CYFIP2: variants seen among roughly 807,000 people sequenced by gnomAD.
CYFIP2 encodes the protein cytoplasmic FMR1-interacting protein 2.
In CYFIP2, 29 loss-of-function variants were observed where a neutral mutation model predicts 158.7. The observed-to-expected ratio is 0.18, with a 90% CI of 0.14 to 0.25. The LOEUF is 0.25. Ranked by LOEUF, CYFIP2 falls within the 10% of genes least tolerant of loss-of-function variation. The pLI is 1.00. For synonymous variants in CYFIP2, 585 were observed against 617.6 expected, an observed-to-expected ratio of 0.95 and a Z score of 0.78; for missense variants, 852 against 1,639.5, an observed-to-expected ratio of 0.52 and a Z score of 8.29.
At chr5:157,380,341 A>G (rs1765927004) in intron 26 of CYFIP2, among the ~76,000 whole-genome samples, 1 of 152,252 alleles carries the variant, frequency 6.6e-6, no homozygotes, top group African/African-American at 2.4e-5. Context: ...TTTTCAGGAA[A>G]GGGCTATGAT....
chr5:157,273,451 G>A (rs62383003), intron 1 of CYFIP2, among the ~76,000 whole-genome samples: 61,972 of 151,980 alleles, frequency 0.41, 13,498 homozygotes, highest in East Asian at 0.69. Flanking sequence ...ACTCCAGGGT[G>A]GGGCAGCCCC....
intron 13 of CYFIP2, among the ~76,000 whole-genome samples, chr5:157,315,296 A>G (rs1328162778): frequency 6.6e-6 from 1 of 151,272 alleles, no homozygotes; most frequent in East Asian, 2.0e-4. Context: ...AAATCCAAAG[A>G]AAAACATCCA....
chr5:157,381,751 TAGA>T (rs1307081504), intron 26 of CYFIP2, among the ~76,000 whole-genome samples: 2 of 151,694 alleles, frequency 1.3e-5, no homozygotes, highest in Non-Finnish European at 2.9e-5. Context: ...ATGCCCGGGG[TAGA>T]AGAAGGCAAG....
intron 7 of CYFIP2, 86 bp downstream of exon 7, chr5:157,302,976 G>A: frequency 9.8e-7 from 1 of 1,021,126 alleles, no homozygotes; most frequent in South Asian, 1.6e-5. Context: ...ACGAGCCCAA[G>A]CAGACAAGCT....
At chr5:157,275,069 A>C (rs1224862673) in intron 1 of CYFIP2, among the ~76,000 whole-genome samples, 1 of 152,186 alleles carries the variant, frequency 6.6e-6, no homozygotes, top group African/African-American at 2.4e-5. Context: ...CACTGTGCCC[A>C]GCCAAGAATT....
At position 157,361,733 on chromosome 5, in the gene CYFIP2, A is replaced by C; in HGVS notation, c.3039+135A>C. The C allele has an allele frequency of 1.7e-6, 2 of 1,146,488 alleles. No individual in the cohort carries two copies. Among genetic ancestry groups the C allele is most frequent in the Non-Finnish European group, 2.4e-6 (2 of 821,440 alleles). 71.0% of individuals were successfully genotyped at this position (1,146,488 alleles called of 1,614,324 possible). A position where few individuals can be genotyped will look rare whatever the true frequency, so the allele number is the denominator to read the frequency against. The stretch of plus-strand genomic sequence containing the variant: ...CACATGCTCTTTTCAGTTCATTTCC[A>C]GACAGACATGGATTCTAGTCCTGGC... On this transcript the variant is annotated intron_variant, in intron 26 of 30. Coordinates refer to ENST00000620254, the MANE Select transcript of CYFIP2 (RefSeq NM_001037333.3). This position sits in a 1 kb window ranked among gnomAD's most constrained non-coding sequence, Gnocchi z 4.4.
chr5:157,321,514 C>T (rs1182986649), intron 15 of CYFIP2, among the ~76,000 whole-genome samples: 18 of 152,216 alleles, frequency 1.2e-4, no homozygotes, highest in Admixed American at 1.2e-3. Flanking sequence ...AGTCAATAAT[C>T]TGGGCATCTT....
At chr5:157,382,489 C>T (rs1342506807) in intron 26 of CYFIP2, 101 bp from the exon 27 acceptor site, 1 of 1,251,620 alleles carries the variant, frequency 8.0e-7, no homozygotes, top group Non-Finnish European at 1.1e-6. Context: ...AGGATTTGAA[C>T]CCAGGTCTAG....
intron 11 of CYFIP2, 71 bp from the exon 12 acceptor site, chr5:157,314,273 G>A: frequency 1.9e-6 from 3 of 1,556,264 alleles, no homozygotes; most frequent in Non-Finnish European, 2.6e-6. Context: ...GTGTTCTTGG[G>A]GGAATCAATG....
intron 15 of CYFIP2, among the ~76,000 whole-genome samples, chr5:157,323,548 G>A (rs1428435620): frequency 6.6e-6 from 1 of 152,166 alleles, no homozygotes; most frequent in Non-Finnish European, 1.5e-5. Flanking sequence ...CTTGAACCCC[G>A]GTCTTTTGAC....
intron 25 of CYFIP2, among the ~76,000 whole-genome samples, chr5:157,360,867 A>C (rs553134898): frequency 9.5e-4 from 144 of 152,284 alleles, no homozygotes; most frequent in African/African-American, 3.4e-3. Context: ...AGAGGGAAAA[A>C]TGGGGACTGT....
chr5:157,326,104 A>G, intron 17 of CYFIP2, 67 bp from the exon 18 acceptor site: 1 of 1,168,736 alleles, frequency 8.6e-7, no homozygotes, highest in Non-Finnish European at 1.3e-6. Flanking sequence ...TTTCCCAAGC[A>G]AGTATAAAGC....
chr5:157,353,370 C>T (rs950603832), intron 23 of CYFIP2, among the ~76,000 whole-genome samples: 2 of 152,156 alleles, frequency 1.3e-5, no homozygotes, highest in Non-Finnish European at 2.9e-5. Context: ...CCTTTTCCAA[C>T]GCACCTTATT....
chr5:157,281,491 G>A lies in CYFIP2; in HGVS notation c.-23-3848G>A, dbSNP rs6868726. Among the ~76,000 whole-genome samples, 218 of 152,206 alleles carry A rather than the reference G, an allele frequency of 1.4e-3. 1 individual carries two copies. Among genetic ancestry groups the A allele is most frequent in the African/African-American group, 4.6e-3 (189 of 41,514 alleles). ...TTATTTACCAATTCTCAACATAAAG[G>A]TTGGTTCACAGGCTCATCTAACAGT... is the stretch of plus-strand genomic sequence containing the variant. On this transcript the variant is annotated intron_variant, in intron 1 of 30. Coordinates refer to ENST00000620254, the MANE Select transcript of CYFIP2 (RefSeq NM_001037333.3).
chr5:157,362,032 T>G (rs1763875626), intron 26 of CYFIP2, among the ~76,000 whole-genome samples: 1 of 152,338 alleles, frequency 6.6e-6, no homozygotes, highest in South Asian at 2.1e-4. Context: ...GGCAAAGTTA[T>G]AAGTCATTGT....
Position 157,361,495 on chromosome 5 carries a change from T to G in CYFIP2, c.2936T>G (p.Leu979Arg). The G allele has an allele frequency of 6.2e-7, 1 of 1,614,058 alleles. No homozygotes were observed. Among genetic ancestry groups the G allele is most frequent in the Non-Finnish European group, 8.5e-7 (1 of 1,180,004 alleles). ...PGILEFFHHQ[L>R]KDIIEYAELK... is the part of the protein sequence containing the mutation. Reference sequence around the variant, plus strand: ...ATCCTGGAGTTCTTCCACCACCAGCTGAAGGACATCATTGAGTACGCAGAG... The same window carrying G: ...ATCCTGGAGTTCTTCCACCACCAGCGGAAGGACATCATTGAGTACGCAGAG... The change falls in exon 26 of 31, where the codon CTG becomes CGG. Residue 979 changes from leucine to arginine, a missense_variant. Transcript: ENST00000620254. The surrounding 1 kb of genome is among the most constrained non-coding windows in gnomAD (Gnocchi z 4.4).
chr5:157,316,187 A>G (rs373204042), intron 13 of CYFIP2, among the ~76,000 whole-genome samples: 1 of 152,238 alleles, frequency 6.6e-6, no homozygotes, highest in Non-Finnish European at 1.5e-5. Context: ...AAAGAACAGC[A>G]TATCTGTAGT....
chr5:157,371,609 C>T (rs958605244), intron 26 of CYFIP2, among the ~76,000 whole-genome samples: 3 of 152,134 alleles, frequency 2.0e-5, no homozygotes, highest in Non-Finnish European at 2.9e-5. Context: ...GAAATCAAGT[C>T]TCCAGTTAGC....
intron 26 of CYFIP2, among the ~76,000 whole-genome samples, chr5:157,375,347 T>C (rs950850638): frequency 1.3e-5 from 2 of 152,106 alleles, no homozygotes; most frequent in African/African-American, 4.8e-5. Flanking sequence ...AAAGAACTGG[T>C]GTCATTAAGT....
Sources: allele counts gnomAD v4.1 joint callset (sites outside exome capture counted in the v4.1 genomes callset), GRCh38; gene constraint gnomAD v4.1.1; non-coding constraint Gnocchi (gnomAD v3.1); transcripts MANE v1.5; gene names NCBI Gene and HGNC (gene_info 2026-07-23, HGNC 2026-07-21).